MYOM1: variants seen among roughly 807,000 people sequenced by gnomAD.
MYOM1 encodes the protein myomesin-1.
In MYOM1, 164 loss-of-function variants were observed where a neutral mutation model predicts 205.3. That is an observed-to-expected ratio of 0.80 (90% CI 0.70 to 0.91). The LOEUF is 0.91. Ranked by LOEUF, MYOM1 falls within the 40% of genes least tolerant of loss-of-function variation. The probability of loss-of-function intolerance (pLI) is 0.00; values close to 1 mark genes in which losing one functional copy is unlikely to be tolerated. For missense variants in MYOM1, 2,011 were observed against 2,127.3 expected (o/e 0.95, Z 1.08); for synonymous variants, 772 against 789.4 (o/e 0.98, Z 0.37).
At chr18:3,229,385 G>GA in the MYOM1 span, among the ~76,000 whole-genome samples, 1,665 of 106,184 alleles carry the variant, frequency 0.016, 20 homozygotes, top group African/African-American at 0.045. Flanking sequence ...CAACCCAAGA[G>GA]AAAAAAAAAA....
At chr18:3,145,345 C>T (rs2080110349) in intron 13 of MYOM1, among the ~76,000 whole-genome samples, 1 of 151,124 alleles carries the variant, frequency 6.6e-6, no homozygotes, top group Admixed American at 6.6e-5. Context: ...TTCAAGCGCA[C>T]ACTAAATATT....
intron 12 of MYOM1, among the ~76,000 whole-genome samples, chr18:3,149,876 T>C (rs1160066735): frequency 6.6e-6 from 1 of 152,120 alleles, no homozygotes; most frequent in Non-Finnish European, 1.5e-5. Flanking sequence ...GTAAAGAAGG[T>C]AACTTATTTT....
intron 22 of MYOM1, among the ~76,000 whole-genome samples, chr18:3,105,827 C>G (rs558184347): frequency 6.6e-6 from 1 of 152,216 alleles, no homozygotes; most frequent in South Asian, 2.1e-4. Context: ...TGCAGTCCAG[C>G]CTGGGCAACA....
chr18:3,151,002 A>C (rs1018691331), intron 12 of MYOM1, among the ~76,000 whole-genome samples: 143 of 60,036 alleles, frequency 2.4e-3, no homozygotes, highest in South Asian at 3.2e-3. Flanking sequence ...TTTTTTTTTC[A>C]TTTTTTTCAT....
At chr18:3,243,610 A>G in the MYOM1 span, among the ~76,000 whole-genome samples, 4 of 152,178 alleles carry the variant, frequency 2.6e-5, no homozygotes, top group Non-Finnish European at 5.9e-5. Context: ...TAGGCATTGT[A>G]TTAGGAGTTA....
At chr18:3,218,731 A>G (rs2081298226) in intron 1 of MYOM1, among the ~76,000 whole-genome samples, 1 of 152,212 alleles carries the variant, frequency 6.6e-6, no homozygotes, top group Non-Finnish European at 1.5e-5. Flanking sequence ...TGATTTTTCA[A>G]ATAAATAATA....
the MYOM1 span, among the ~76,000 whole-genome samples, chr18:3,235,465 C>G: frequency 6.6e-6 from 1 of 152,194 alleles, no homozygotes; most frequent in Non-Finnish European, 1.5e-5. Context: ...GTATGCATGG[C>G]ATCCCACTGA....
intron 11 of MYOM1, 125 bp downstream of exon 11, chr18:3,154,822 C>T (rs1168980170): frequency 9.8e-7 from 1 of 1,025,602 alleles, no homozygotes; most frequent in African/African-American, 1.6e-5. Context: ...AAGAGAGATA[C>T]AGAAATAGAA....
Position 3,126,819 on chromosome 18 carries a change from T to C in MYOM1, c.2873A>G (p.Asp958Gly). 1 of 1,613,726 alleles carries C rather than the reference T, an allele frequency of 6.2e-7. No homozygotes were observed. Among genetic ancestry groups the C allele is most frequent in the Non-Finnish European group, 8.5e-7 (1 of 1,179,782 alleles). Residue 958 changes from aspartate (D) to glycine (G), a missense_variant, in exon 19 of 38, where the codon GAT (aspartate) becomes GGT (glycine). Transcript: ENST00000356443. The part of the protein sequence containing the change: ...DSMVLGWKQP[D>G]KIGGAEITGY... Reference sequence around the variant, plus strand: ...AGTAATTTCTGCCCCTCCAATCTTATCTGGTTGCTTCCATCCAAGAACCAT... The same window carrying C: ...AGTAATTTCTGCCCCTCCAATCTTACCTGGTTGCTTCCATCCAAGAACCAT...
chr18:3,085,192 G>A, intron 30 of MYOM1, 60 bp from the exon 31 acceptor site: 1 of 412,404 alleles, frequency 2.4e-6, no homozygotes, highest in Admixed American at 6.8e-5. Flanking sequence ...CGGTATCTGT[G>A]ATTTTTTTTT....
At chr18:3,188,618 G>T (rs368254435) in intron 4 of MYOM1, 130 bp downstream of exon 4, 1 of 1,041,806 alleles carries the variant, frequency 9.6e-7, no homozygotes. Flanking sequence ...GACAGAGTGA[G>T]ACTCCATCTC....
chr18:3,087,420 T>C (rs1353685340), intron 29 of MYOM1, among the ~76,000 whole-genome samples: 1 of 151,644 alleles, frequency 6.6e-6, no homozygotes, highest in African/African-American at 2.4e-5. Flanking sequence ...GCAAAGGTCA[T>C]AGCTCCACAT....
chr18:3,131,073 C>T (rs971401292), intron 17 of MYOM1, among the ~76,000 whole-genome samples: 4 of 152,198 alleles, frequency 2.6e-5, no homozygotes, highest in African/African-American at 9.7e-5. Context: ...AATGGCCCTT[C>T]ACAGTCCCAG....
intron 33 of MYOM1, 44 bp from the exon 34 acceptor site, chr18:3,079,386 A>G: frequency 1.3e-6 from 2 of 1,545,224 alleles, no homozygotes; most frequent in Non-Finnish European, 1.7e-6. Context: ...GCTTCCATCC[A>G]GGGCTGATCT....
chr18:3,117,150 T>C (rs1015564972), intron 20 of MYOM1, among the ~76,000 whole-genome samples: 3 of 152,214 alleles, frequency 2.0e-5, no homozygotes, highest in African/African-American at 7.2e-5. Flanking sequence ...AGCCACCATA[T>C]CTGGCACCCA....
chr18:3,229,025 C>T, the MYOM1 span, among the ~76,000 whole-genome samples: 11,852 of 152,288 alleles, frequency 0.078, 492 homozygotes, highest in African/African-American at 0.1. Context: ...TAATTTGTTA[C>T]CTGGTCTCTA....
In MYOM1 at chr18:3,215,172, G is replaced by C; in HGVS notation, c.52C>G (p.Arg18Gly). 6.2e-7 allele frequency: 1 copy of C among 1,613,340 alleles called. No individual in the cohort carries two copies. Among genetic ancestry groups the C allele is most frequent in the Non-Finnish European group, 8.5e-7 (1 of 1,179,660 alleles). The change falls in exon 2 of 38, where the codon CGC becomes GGC. Residue 18 changes from arginine to glycine, a missense_variant. Coordinates refer to ENST00000356443, the MANE Select transcript of MYOM1 (RefSeq NM_003803.4). ...ACGGTGCTGCGCACGTCCTTGTTGCGGTAGCTGAGATCATAGTGCTGGTGG... is the reference window on the plus strand; with the variant it reads ...ACGGTGCTGCGCACGTCCTTGTTGCCGTAGCTGAGATCATAGTGCTGGTGG... The part of the protein sequence containing the change: ...RCHQHYDLSY[R>G]NKDVRSTVSH...
In MYOM1 at chr18:3,074,284, A is replaced by G. The variant is rs2078995878; in HGVS notation, c.4708+1170T>C. ...CAGTCCACATACACAGGGCCTGAGC[A>G]GGAGGGGGAAAGTGGAGAAGGGAGT... On this transcript the variant is annotated intron_variant, in intron 36 of 37. Coordinates refer to ENST00000356443, the MANE Select transcript of MYOM1 (RefSeq NM_003803.4). 2.0e-5 allele frequency among the ~76,000 whole-genome samples: 3 copies of G among 152,288 alleles called. No individual in the cohort carries two copies. The South Asian group carries it at 6.2e-4, about 32-fold the overall frequency.
Position 3,083,811 on chromosome 18 carries a change from AATCCTCCAC to A in MYOM1, c.4453_4461del (p.Val1485_Asp1487del). 1.3e-6 allele frequency: 2 copies of A among 1,574,390 alleles called. No homozygotes were observed. The highest frequency in any genetic ancestry group is 1.7e-6 in the Non-Finnish European group (2 of 1,158,502). On this transcript the variant is annotated inframe_deletion, in exon 33 of 38. Coordinates refer to ENST00000356443, the MANE Select transcript of MYOM1 (RefSeq NM_003803.4). ...TACTTGTGGGACCAGTTAACTTTCA[AATCCTCCAC>A]ATAGTAAGTTACAAAAGAGTACAGT...
Sources: allele counts gnomAD v4.1 joint callset (sites outside exome capture counted in the v4.1 genomes callset), GRCh38; gene constraint gnomAD v4.1.1; transcripts MANE v1.5; gene names NCBI Gene and HGNC (gene_info 2026-07-23, HGNC 2026-07-21).